The following MALRD1 variants were observed in gnomAD, a reference collection of about 807,000 sequenced individuals.
MALRD1 encodes MAM and LDL receptor class A domain containing 1, also known as MAM and LDL-receptor class A domain-containing protein 1.
A neutral mutation model predicts 242.1 loss-of-function variants in MALRD1; 247 were observed. The observed-to-expected ratio is 1.02, with a 90% CI of 0.92 to 1.13. The LOEUF (loss-of-function observed/expected upper bound fraction) is 1.13, where lower values mean the gene tolerates loss of function less well. Ranked by LOEUF, MALRD1 falls within the 50% of genes most tolerant of loss-of-function variation. MALRD1 has a pLI of 0.00. For missense variants in MALRD1, 2,989 were observed against 2,533.1 expected (o/e 1.18, Z -3.86); for synonymous variants, 995 against 866.6 (o/e 1.15, Z -2.60).
chr10:19,331,531 G>A lies in MALRD1; in HGVS notation c.3850G>A (p.Asp1284Asn), dbSNP rs1339042444. ...CTGCATTGCCAAAGACAAGCTGTGT[G>A]ATTTTGTGAATGATTGTGCTGATAA... Reference protein sequence around the residue: ...KHCIAKDKLCDFVNDCADNSD... With the variant: ...KHCIAKDKLCNFVNDCADNSD... The change falls in exon 24 of 40, where the codon GAT becomes AAT. Residue 1284 changes from aspartate to asparagine, a missense_variant. Asp to Asn is a conservative substitution (Grantham distance 23). Transcript: ENST00000454679. The A allele has an allele frequency of 1.9e-6, 3 of 1,550,182 alleles. No homozygotes were observed. The African/African-American group carries it at 4.1e-5, about 21-fold the overall frequency.
chr10:19,705,519 T>C (rs183004493), intron 38 of MALRD1, among the ~76,000 whole-genome samples: 28 of 152,290 alleles, frequency 1.8e-4, no homozygotes, highest in African/African-American at 6.3e-4. Flanking sequence ...TCCCAGTCCC[T>C]TGTGCATGTA....
At chr10:19,190,322 A>G (rs1316346892) in intron 14 of MALRD1, among the ~76,000 whole-genome samples, 1 of 152,144 alleles carries the variant, frequency 6.6e-6, no homozygotes, top group African/African-American at 2.4e-5. Flanking sequence ...TAATGAAAAG[A>G]CATTCCATGT....
intron 23 of MALRD1, among the ~76,000 whole-genome samples, 154 bp downstream of exon 23, chr10:19,327,827 T>C (rs1843202234): frequency 6.6e-6 from 1 of 152,096 alleles, no homozygotes; most frequent in South Asian, 2.1e-4. Context: ...CCATGGAGCA[T>C]TTTACATAAG....
chr10:19,543,931 G>C (rs1238320915), intron 32 of MALRD1, among the ~76,000 whole-genome samples: 2 of 152,008 alleles, frequency 1.3e-5, no homozygotes, highest in Admixed American at 6.6e-5. Context: ...CCTTCTTCTT[G>C]TTAAATCAAT....
At chr10:19,281,164 C>G (rs770796851) in intron 20 of MALRD1, among the ~76,000 whole-genome samples, 6 of 152,132 alleles carry the variant, frequency 3.9e-5, no homozygotes, top group Non-Finnish European at 5.9e-5. Flanking sequence ...GTCATAAAAT[C>G]AAAGCTGACT....
At chr10:19,561,086 T>A (rs556760880) in intron 32 of MALRD1, among the ~76,000 whole-genome samples, 1 of 152,106 alleles carries the variant, frequency 6.6e-6, no homozygotes, top group Non-Finnish European at 1.5e-5. Flanking sequence ...AATAAAATAA[T>A]TTATAATAAA....
chr10:19,514,809 T>C (rs1833556490), intron 31 of MALRD1, among the ~76,000 whole-genome samples: 1 of 152,184 alleles, frequency 6.6e-6, no homozygotes, highest in Admixed American at 6.5e-5. Context: ...GAAAGCCTTT[T>C]ACAATTTTCT....
intron 29 of MALRD1, among the ~76,000 whole-genome samples, chr10:19,482,652 TACACACACACACACACACACAC>T (rs144094060): frequency 1.5e-5 from 2 of 136,350 alleles, no homozygotes; most frequent in East Asian, 2.2e-4. Context: ...TTACAATAGC[TACACACACACACACACACACAC>T]ACACACACAC....
intron 31 of MALRD1, among the ~76,000 whole-genome samples, chr10:19,504,698 C>T (rs1261770153): frequency 7.4e-5 from 7 of 94,868 alleles, no homozygotes; most frequent in Non-Finnish European, 1.1e-4. Flanking sequence ...TTTTTTGAGA[C>T]GGAGTCTCGC....
At chr10:19,655,728 CATT>C (rs1448285280) in intron 36 of MALRD1, among the ~76,000 whole-genome samples, 8 of 151,896 alleles carry the variant, frequency 5.3e-5, no homozygotes, top group Admixed American at 2.6e-4. Flanking sequence ...TAGAAAGACT[CATT>C]ATTACCACAT....
chr10:19,169,966 C>T (rs1834853236), intron 13 of MALRD1, among the ~76,000 whole-genome samples: 1 of 152,086 alleles, frequency 6.6e-6, no homozygotes, highest in African/African-American at 2.4e-5. Flanking sequence ...CTCTGTGTTC[C>T]CTTTTAGCCA....
chr10:19,726,594 A>G (rs967247076), intron 38 of MALRD1, among the ~76,000 whole-genome samples: 1 of 152,194 alleles, frequency 6.6e-6, no homozygotes, highest in Admixed American at 6.5e-5. Context: ...TTCAACTCCT[A>G]GTTATATACC....
At chr10:19,681,451 TA>T (rs1313564222) in intron 36 of MALRD1, among the ~76,000 whole-genome samples, 1 of 152,136 alleles carries the variant, frequency 6.6e-6, no homozygotes, top group Admixed American at 6.6e-5. Context: ...TCAGTTTGGC[TA>T]TTGATATTTG....
chr10:19,321,922 G>A (rs549198251), intron 21 of MALRD1, among the ~76,000 whole-genome samples: 1 of 152,160 alleles, frequency 6.6e-6, no homozygotes, highest in African/African-American at 2.4e-5. Flanking sequence ...GTGAATCAAC[G>A]GTAGATGTGA....
In MALRD1 at chr10:19,387,607, CTG is replaced by C. The variant is rs1421835726; in HGVS notation, c.4524_4525del (p.Cys1508TrpfsTer3). ...AACAAAGCTGTAACTTCGTAGATAA[CTG>C]TGGAGATAATACTGATGAAAATGAG... ...LEQSCNFVDN[C>X]GDNTDENECG... On this transcript the variant is annotated frameshift_variant, in exon 27 of 40. Coordinates refer to ENST00000454679, the MANE Select transcript of MALRD1 (RefSeq NM_001142308.3). LOFTEE classifies it high-confidence loss of function. 3.0e-5 allele frequency: 46 copies of C among 1,550,234 alleles called. No homozygotes were observed. Among genetic ancestry groups the C allele is most frequent in the Non-Finnish European group, 3.8e-5 (44 of 1,146,894 alleles).
At chr10:19,507,241 G>A (rs1436289876) in intron 31 of MALRD1, among the ~76,000 whole-genome samples, 1 of 152,072 alleles carries the variant, frequency 6.6e-6, no homozygotes, top group Non-Finnish European at 1.5e-5. Context: ...TGAGATTTAG[G>A]CAGGAACCAA....
chr10:19,675,460 A>G (rs1842099895), intron 36 of MALRD1, among the ~76,000 whole-genome samples: 2 of 152,152 alleles, frequency 1.3e-5, no homozygotes, highest in South Asian at 4.1e-4. Context: ...AGTGGTTCTC[A>G]AAGTGTGTAC....
At position 19,456,782 on chromosome 10, in the gene MALRD1, T is replaced by TATTA. The variant is rs1554775850; in HGVS notation, c.5029+6295_5029+6296insAATT. On this transcript the variant is annotated intron_variant, in intron 29 of 39. Coordinates refer to ENST00000454679, the MANE Select transcript of MALRD1 (RefSeq NM_001142308.3). ...TTATTTATTTATTTATTTATTTATT[T>TATTA]ATTTATTTTGAGACAGAGTCTCGCT... Among the ~76,000 whole-genome samples, 227 of 148,820 alleles carry TATTA rather than the reference T, an allele frequency of 1.5e-3. 1 individual carries two copies. The highest frequency in any genetic ancestry group is 5.7e-3 in the African/African-American group (221 of 39,050).
chr10:19,592,869 A>T (rs181166315), intron 33 of MALRD1, among the ~76,000 whole-genome samples: 65 of 152,238 alleles, frequency 4.3e-4, no homozygotes, highest in African/African-American at 1.4e-3. Context: ...TTTTAAAAAG[A>T]AAAGGTTAAT....
Sources: allele counts gnomAD v4.1 joint callset (sites outside exome capture counted in the v4.1 genomes callset), GRCh38; gene constraint gnomAD v4.1.1; transcripts MANE v1.5; gene names NCBI Gene and HGNC (gene_info 2026-07-23, HGNC 2026-07-21).